Variants in SEL1L3 observed in about 807,000 individuals in gnomAD.
The protein encoded by SEL1L3 is protein sel-1 homolog 3.
In SEL1L3, 76 loss-of-function variants were observed where a neutral mutation model predicts 142.8. The observed-to-expected ratio is 0.53, with a 90% CI of 0.44 to 0.64. SEL1L3 has a LOEUF of 0.64. SEL1L3 is among the 30% of genes least tolerant of loss of function. The probability of loss-of-function intolerance (pLI) is 0.00; values close to 1 mark genes in which losing one functional copy is unlikely to be tolerated. For missense variants in SEL1L3, 1,262 were observed against 1,381.7 expected (o/e 0.91, Z 1.37); for synonymous variants, 504 against 519.6 (o/e 0.97, Z 0.41).
chr4:25,730,378 T>C, the SEL1L3 span, among the ~76,000 whole-genome samples: 1 of 152,100 alleles, frequency 6.6e-6, no homozygotes, highest in Non-Finnish European at 1.5e-5. Context: ...CTTCTGGATA[T>C]CGATGGGGAT....
intron 20 of SEL1L3, among the ~76,000 whole-genome samples, chr4:25,762,581 A>G (rs190586089): frequency 1.3e-5 from 2 of 152,370 alleles, no homozygotes; most frequent in Non-Finnish European, 2.9e-5. Context: ...TTAAGAAATT[A>G]TAATGTATCA....
chr4:25,792,388 G>A (rs1332150141), intron 11 of SEL1L3, among the ~76,000 whole-genome samples: 1 of 152,124 alleles, frequency 6.6e-6, no homozygotes, highest in Admixed American at 6.5e-5. Flanking sequence ...ATGGGATGTC[G>A]CCCTCTAGTG....
chr4:25,725,337 A>G, the SEL1L3 span, among the ~76,000 whole-genome samples: 2 of 142,778 alleles, frequency 1.4e-5, no homozygotes, highest in Non-Finnish European at 3.0e-5. Context: ...TTTTTTTGAG[A>G]CGGTGTCTCA....
At chr4:25,745,900 G>T (rs1381628779), downstream of SEL1L3, among the ~76,000 whole-genome samples, 3 of 152,244 alleles carry the variant, frequency 2.0e-5, no homozygotes, top group African/African-American at 7.2e-5. Context: ...GGAAATGGGT[G>T]TGTTTGCCAT....
At chr4:25,756,652 AGGGCTCC>A in intron 23 of SEL1L3, 1 of 1,013,232 alleles carries the variant, frequency 9.9e-7, no homozygotes, top group Non-Finnish European at 1.2e-6. Flanking sequence ...AGAAGCAAGC[AGGGCTCC>A]CTTGTCCTTA....
chr4:25,751,656 T>C (rs1717598636), intron 23 of SEL1L3, among the ~76,000 whole-genome samples: 1 of 148,924 alleles, frequency 6.7e-6, no homozygotes, highest in Non-Finnish European at 1.5e-5. Flanking sequence ...TCTTTATATA[T>C]ATAAATAAAT....
At chr4:25,849,730 G>C (rs1306595529) in intron 1 of SEL1L3, among the ~76,000 whole-genome samples, 3 of 152,158 alleles carry the variant, frequency 2.0e-5, no homozygotes, top group Non-Finnish European at 4.4e-5. Flanking sequence ...AGTCACTTTG[G>C]TCTCCTCTGA....
At chr4:25,724,016 ATTT>A in the SEL1L3 span, among the ~76,000 whole-genome samples, 5 of 152,236 alleles carry the variant, frequency 3.3e-5, no homozygotes, top group Non-Finnish European at 5.9e-5. Flanking sequence ...TCTCTCCCTC[ATTT>A]ATACTCAATT....
the SEL1L3 span, among the ~76,000 whole-genome samples, chr4:25,715,298 C>T: frequency 2.0e-5 from 3 of 152,134 alleles, no homozygotes; most frequent in East Asian, 1.9e-4. Flanking sequence ...TGGAGACCAG[C>T]GTGGGCAACA....
chr4:25,805,589 GC>G, intron 9 of SEL1L3, among the ~76,000 whole-genome samples: 1 of 100,434 alleles, frequency 1.0e-5, no homozygotes, highest in Non-Finnish European at 2.7e-5. Context: ...GCTATATGAT[GC>G]TTCCTTTTAC....
intron 6 of SEL1L3, 83 bp from the exon 7 acceptor site, chr4:25,822,211 G>A (rs1714810619): frequency 1.3e-6 from 2 of 1,543,948 alleles, no homozygotes; most frequent in Non-Finnish European, 1.8e-6. Context: ...GACCCTCCTT[G>A]ACTTAACCCA....
chr4:25,777,990 T>C (rs1719750006), intron 16 of SEL1L3: 1 of 373,112 alleles, frequency 2.7e-6, no homozygotes, highest in Admixed American at 3.2e-5. Flanking sequence ...CTCAAGAATG[T>C]AAAAAGCATT....
At chr4:25,748,738 C>T (rs1052603043) in intron 23 of SEL1L3, among the ~76,000 whole-genome samples, 174 bp from the exon 24 acceptor site, 6 of 152,210 alleles carry the variant, frequency 3.9e-5, no homozygotes, top group Non-Finnish European at 5.9e-5. Context: ...GATGCCACCA[C>T]ATGCTGACAA....
the SEL1L3 span, among the ~76,000 whole-genome samples, chr4:25,726,527 CAAA>C: frequency 3.0e-3 from 366 of 123,036 alleles, 2 homozygotes; most frequent in African/African-American, 8.5e-3. Context: ...GACTTGGTCT[CAAA>C]AAAAAAAAAA....
chr4:25,802,260 C>G, intron 11 of SEL1L3, 23 bp downstream of exon 11: 1 of 1,599,318 alleles, frequency 6.3e-7, no homozygotes, highest in Non-Finnish European at 8.5e-7. Flanking sequence ...ATAACCATTC[C>G]CAACCTTTTT....
chr4:25,809,082 A>C (rs1379602980), intron 9 of SEL1L3, among the ~76,000 whole-genome samples: 1 of 150,658 alleles, frequency 6.6e-6, no homozygotes, highest in African/African-American at 2.4e-5. Context: ...CAAAAAAAAA[A>C]AAAAAAGCCT....
intron 6 of SEL1L3, among the ~76,000 whole-genome samples, chr4:25,826,590 G>A (rs1715107875): frequency 1.3e-5 from 2 of 152,156 alleles, no homozygotes; most frequent in Admixed American, 6.5e-5. Context: ...TGATGGGGAG[G>A]TCTCAGGAGT....
the SEL1L3 span, among the ~76,000 whole-genome samples, chr4:25,740,045 C>T: frequency 1.1e-4 from 16 of 152,000 alleles, no homozygotes; most frequent in African/African-American, 1.7e-4. Context: ...TGATCCTCCC[C>T]GCTCAGCCTC....
intron 16 of SEL1L3, among the ~76,000 whole-genome samples, chr4:25,777,057 A>G (rs1719684856): frequency 6.6e-6 from 1 of 152,098 alleles, no homozygotes; most frequent in African/African-American, 2.4e-5. Context: ...AATTTTAAAA[A>G]TTAAAAAATA....
Sources: gnomAD v4.1 joint callset for allele counts (sites outside exome capture counted in the v4.1 genomes callset) on GRCh38, gnomAD v4.1.1 for gene constraint, MANE v1.5 for transcripts, NCBI Gene and HGNC (gene_info 2026-07-23, HGNC 2026-07-21) for gene names.